Variants in DPP10 observed in about 807,000 individuals in gnomAD.
DPP10 encodes inactive dipeptidyl peptidase 10.
A neutral mutation model predicts 120.9 loss-of-function variants in DPP10; 33 were observed. The ratio of observed to expected loss-of-function variants is 0.27; its 90% CI spans 0.21 to 0.37. The LOEUF is 0.37. Ranked by LOEUF, DPP10 falls within the 10% of genes least tolerant of loss-of-function variation. The pLI, the probability that DPP10 is intolerant of heterozygous loss-of-function variation, is 1.00. For missense variants in DPP10, 816 were observed against 942.8 expected (o/e 0.87, Z 1.76); for synonymous variants, 337 against 326.1 (o/e 1.03, Z -0.36).
chr2:115,774,881 T>A (rs1681904839), intron 13 of DPP10, among the ~76,000 whole-genome samples: 1 of 152,138 alleles, frequency 6.6e-6, no homozygotes, highest in African/African-American at 2.4e-5. Context: ...AACTATCCTA[T>A]ATGAACCTAA....
At chr2:115,718,778 T>C (rs954328582) in intron 7 of DPP10, among the ~76,000 whole-genome samples, 4 of 152,098 alleles carry the variant, frequency 2.6e-5, no homozygotes, top group African/African-American at 9.7e-5. Flanking sequence ...GCCTGATACA[T>C]ATTTGCTTTA....
At chr2:114,673,220 T>G (rs1276017061) in intron 1 of DPP10, among the ~76,000 whole-genome samples, 1 of 152,164 alleles carries the variant, frequency 6.6e-6, no homozygotes, top group African/African-American at 2.4e-5. Flanking sequence ...TTCAGTGTGT[T>G]GTTGGCTTAA....
chr2:114,560,859 T>TGTTG (rs1688709935), intron 1 of DPP10, among the ~76,000 whole-genome samples: 1 of 152,214 alleles, frequency 6.6e-6, no homozygotes, highest in African/African-American at 2.4e-5. Flanking sequence ...GTATGTTTGA[T>TGTTG]TCACTATACT....
chr2:114,499,311 C>CT (rs1381473421), intron 1 of DPP10, among the ~76,000 whole-genome samples: 2 of 152,168 alleles, frequency 1.3e-5, no homozygotes, highest in East Asian at 3.9e-4. Flanking sequence ...TTGGAGTGAA[C>CT]TTTGAGCAAG....
intron 3 of DPP10, among the ~76,000 whole-genome samples, chr2:115,407,307 C>T (rs528547823): frequency 6.6e-6 from 1 of 152,290 alleles, no homozygotes; most frequent in Non-Finnish European, 1.5e-5. Context: ...GCCAGGGGAC[C>T]CTTGGCTGCC....
intron 1 of DPP10, among the ~76,000 whole-genome samples, chr2:114,673,901 A>C (rs980791381): frequency 2.0e-5 from 3 of 152,100 alleles, no homozygotes; most frequent in Non-Finnish European, 4.4e-5. Flanking sequence ...ACTTATGGAT[A>C]CTCGAACCTG....
chr2:115,625,607 C>T (rs1226863075), intron 5 of DPP10, among the ~76,000 whole-genome samples: 1 of 152,004 alleles, frequency 6.6e-6, no homozygotes, highest in African/African-American at 2.4e-5. Flanking sequence ...AAATCAACTA[C>T]AAAAAATTAT....
At chr2:115,250,142 G>T (rs1222594355) in intron 1 of DPP10, among the ~76,000 whole-genome samples, 1 of 152,164 alleles carries the variant, frequency 6.6e-6, no homozygotes, top group African/African-American at 2.4e-5. Context: ...TTATTTGAGA[G>T]TATATCACAT....
chr2:115,538,408 G>A (rs1193342586), intron 5 of DPP10, among the ~76,000 whole-genome samples: 1 of 151,832 alleles, frequency 6.6e-6, no homozygotes, highest in Non-Finnish European at 1.5e-5. Flanking sequence ...TCTGTTTCTT[G>A]TTCTATACAC....
rs2076530060 is a variant in DPP10, at chr2:115,498,692, A to G, written c.272-818A>G. Among the ~76,000 whole-genome samples the G allele has an allele frequency of 2.8e-5, 3 of 108,602 alleles. No homozygotes were observed. In the South Asian group the frequency reaches 9.9e-4, roughly 36 times the overall value. The allele number at this position is 108,602 out of a possible 152,430, so 71.2% of individuals were successfully genotyped here. On this transcript the variant is annotated intron_variant, in intron 3 of 25. Coordinates refer to ENST00000410059, the MANE Select transcript of DPP10 (RefSeq NM_020868.6). ...TATCTTCTCTTTTACCTAATCATAT[A>G]TATATATATAATTATGTATAATTAT...
intron 3 of DPP10, among the ~76,000 whole-genome samples, chr2:115,461,480 T>C (rs1031746008): frequency 7.2e-5 from 11 of 152,108 alleles, no homozygotes; most frequent in African/African-American, 2.4e-4. Context: ...TTAACCGATA[T>C]CATATTTTAT....
intron 5 of DPP10, among the ~76,000 whole-genome samples, chr2:115,662,434 A>G (rs903131957): frequency 6.8e-6 from 1 of 146,410 alleles, no homozygotes; most frequent in Non-Finnish European, 1.5e-5. Context: ...TTTGTTTTTT[A>G]TTTTTTTTTT....
At chr2:115,176,824 T>C (rs1172284616) in intron 1 of DPP10, among the ~76,000 whole-genome samples, 1 of 152,186 alleles carries the variant, frequency 6.6e-6, no homozygotes, top group African/African-American at 2.4e-5. Context: ...GTTTTGAACC[T>C]GGATTGTCTG....
intron 9 of DPP10, among the ~76,000 whole-genome samples, chr2:115,740,844 G>A (rs1191311870): frequency 2.0e-5 from 3 of 152,184 alleles, no homozygotes; most frequent in Admixed American, 1.3e-4. Flanking sequence ...GAAGTCTTAT[G>A]GGAAACGTGT....
intron 1 of DPP10, among the ~76,000 whole-genome samples, chr2:114,990,584 A>G (rs1254179517): frequency 6.6e-6 from 1 of 152,002 alleles, no homozygotes; most frequent in Non-Finnish European, 1.5e-5. Context: ...AATTATTTTT[A>G]TACCCCAACA....
intron 1 of DPP10, among the ~76,000 whole-genome samples, chr2:115,212,707 CAAAT>C (rs1415951329): frequency 1.3e-5 from 2 of 152,008 alleles, no homozygotes; most frequent in African/African-American, 4.8e-5. Context: ...TTTGCACACA[CAAAT>C]AGATAAAATA....
intron 1 of DPP10, among the ~76,000 whole-genome samples, chr2:115,263,487 C>A (rs1038316744): frequency 6.6e-6 from 1 of 152,196 alleles, no homozygotes. Flanking sequence ...TAACCAATAA[C>A]TGCTTAAGGC....
chr2:115,456,043 G>A (rs906413978), intron 3 of DPP10, among the ~76,000 whole-genome samples: 7 of 152,024 alleles, frequency 4.6e-5, no homozygotes, highest in African/African-American at 9.7e-5. Flanking sequence ...CTACAGAATG[G>A]GAGAAAATTT....
intron 8 of DPP10, among the ~76,000 whole-genome samples, chr2:115,729,792 GAGAGAAAAAGAGAGAGAGAGAGA>G (rs2092855720): frequency 1.4e-5 from 2 of 143,578 alleles, no homozygotes; most frequent in Admixed American, 1.4e-4. Context: ...ACAAGGGAGA[GAGAGAAAAAGAGAGAGAGAGAGA>G]AGAGAGAGAG....
Sources: gnomAD v4.1 joint callset for allele counts (sites outside exome capture counted in the v4.1 genomes callset) on GRCh38, gnomAD v4.1.1 for gene constraint, MANE v1.5 for transcripts, NCBI Gene and HGNC (gene_info 2026-07-23, HGNC 2026-07-21) for gene names.